RHBDF1: variants seen among roughly 807,000 people sequenced by gnomAD.
RHBDF1 encodes rhomboid 5 homolog 1, also known as inactive rhomboid protein 1.
Under a neutral mutation model 98.6 loss-of-function variants are expected in RHBDF1, and 80 were observed. That is an observed-to-expected ratio of 0.81 (90% CI 0.68 to 0.98). The LOEUF is 0.98. RHBDF1 is among the 50% of genes least tolerant of loss of function. The pLI, the probability that RHBDF1 is intolerant of heterozygous loss-of-function variation, is 0.00. For missense variants in RHBDF1, 1,116 were observed against 1,198.3 expected (o/e 0.93, Z 1.01); for synonymous variants, 512 against 486.8 (o/e 1.05, Z -0.68).
At position 61,192 on chromosome 16, in the gene RHBDF1, G is replaced by A. The variant is rs1293431704; in HGVS notation, c.1485C>T (p.Arg495=). 1 of 1,542,890 alleles carries A rather than the reference G, an allele frequency of 6.5e-7. No homozygotes were observed. The highest frequency in any genetic ancestry group is 1.2e-5 in the South Asian group (1 of 83,986). ...VHSFIRSARE[R]EKHSACCVRN... ...GCACGCAGCAGGCGGAGTGCTTCTC[G>A]CGCTCGCGCGCCGAGCGAATGAAGC... The change falls in exon 11 of 18, where the codon CGC becomes CGT. Residue 495 remains arginine (R), a synonymous_variant. Transcript: ENST00000262316.
At chr16:60,691 A>G (rs1897577650) in intron 11 of RHBDF1, 152 bp from the exon 12 acceptor site, 2 of 605,534 alleles carry the variant, frequency 3.3e-6, no homozygotes, top group Admixed American at 5.9e-5. Flanking sequence ...GTTGGAAAAG[A>G]CTCTTACAAG....
intron 1 of RHBDF1, 144 bp downstream of exon 1, chr16:72,369 C>T: frequency 3.8e-6 from 1 of 266,076 alleles, no homozygotes; most frequent in Non-Finnish European, 5.8e-6. Context: ...CGACCCCTCC[C>T]CGGCCCCGGC....
At position 58,529 on chromosome 16, in the gene RHBDF1, G is replaced by A; in HGVS notation, c.2379C>T (p.Gly793=). ...AGCGTTTCCGGTACAGGTCGAACTT[G>A]CCAAAGCTGATGTAGGGCAAGAAGG... ...SFAFLPYISF[G]KFDLYRKRCQ... The change falls in exon 18 of 18, where the codon GGC becomes GGT. Residue 793 remains glycine, a synonymous_variant. Coordinates refer to ENST00000262316, the MANE Select transcript of RHBDF1 (RefSeq NM_022450.5). The A allele has an allele frequency of 6.2e-7, 1 of 1,614,074 alleles. No homozygotes were observed. The highest frequency in any genetic ancestry group is 8.5e-7 in the Non-Finnish European group (1 of 1,180,036).
Position 64,924 on chromosome 16 carries a change from G to A in RHBDF1, c.92C>T (p.Thr31Met), listed in dbSNP as rs768349876. ...KLDIPSAVPL[T>M]AEEPSFLQPL... ...CTGCAGGAAGCTGGGCTCTTCTGCC[G>A]TCAGGGGCACCGCAGAGGGAATGTC... is the stretch of plus-strand genomic sequence containing the variant. Residue 31 changes from threonine to methionine, a missense_variant, in exon 2 of 18, where the codon ACG becomes ATG. Physicochemically the swap from Thr to Met is moderately conservative, Grantham distance 81. Transcript: ENST00000262316. 66 of 1,604,040 alleles carry A rather than the reference G, an allele frequency of 4.1e-5. No individual in the cohort carries two copies. The highest frequency in any genetic ancestry group is 3.3e-4 in the Middle Eastern group (2 of 6,048).
intron 13 of RHBDF1, 71 bp downstream of exon 13, chr16:60,145 G>C: frequency 6.2e-7 from 1 of 1,610,054 alleles, no homozygotes; most frequent in East Asian, 2.2e-5. Context: ...GGTATCACCA[G>C]TGGGTGGGGT....
chr16:69,190 T>G (rs889909941), intron 1 of RHBDF1, among the ~76,000 whole-genome samples: 1 of 152,130 alleles, frequency 6.6e-6, no homozygotes, highest in Non-Finnish European at 1.5e-5. Flanking sequence ...GGGAAGAGAC[T>G]AGAGAGAAGC....
At position 61,544 on chromosome 16, in the gene RHBDF1, G is replaced by T. The variant is rs778929345; in HGVS notation, c.1320+41C>A. ...GGGTCGGGAGGGGGTCCAGTGCCCG[G>T]ACTCCACTCGTCTGGGCCCAGGGAA... On this transcript the variant is annotated intron_variant, in intron 9 of 17. Coordinates refer to ENST00000262316, the MANE Select transcript of RHBDF1 (RefSeq NM_022450.5). 5 of 1,611,362 alleles carry T rather than the reference G, an allele frequency of 3.1e-6. No individual in the cohort carries two copies. In the African/African-American group the frequency reaches 5.3e-5, roughly 17 times the overall value.
Position 58,613 on chromosome 16 carries a change from C to T in RHBDF1, c.2295G>A (p.Pro765=), listed in dbSNP as rs768472626. 18 of 1,613,552 alleles carry T rather than the reference C, an allele frequency of 1.1e-5. No individual in the cohort carries two copies. Among genetic ancestry groups the T allele is most frequent in the South Asian group, 6.6e-5 (6 of 91,092 alleles). Residue 765 remains proline (P), a synonymous_variant, in exon 18 of 18, where the codon CCG becomes CCA. Transcript: ENST00000262316. ...VLFLFTFGLL[P]WIDNFAHISG... ...AGATGTGGGCAAAGTTGTCAATCCA[C>T]GGCAGCAGCCCAAAGGTGAAGAGGA...
rs1897711380 is a variant in RHBDF1, at chr16:63,186, G to T, written c.463-4C>A. 5 of 1,559,706 alleles carry T rather than the reference G, an allele frequency of 3.2e-6. No homozygotes were observed. Among genetic ancestry groups the T allele is most frequent in the East Asian group, 2.4e-5 (1 of 42,464 alleles). On this transcript the variant is annotated splice_region_variant and splice_polypyrimidine_tract_variant and intron_variant, in intron 4 of 17. Coordinates refer to ENST00000262316, the MANE Select transcript of RHBDF1 (RefSeq NM_022450.5). ...CACGGGCCAGGGGGTCTATGATCTGGAGGAGGGGAGGAGATGCTGGAGTCA... is the reference window on the plus strand; with the variant it reads ...CACGGGCCAGGGGGTCTATGATCTGTAGGAGGGGAGGAGATGCTGGAGTCA...
intron 14 of RHBDF1, 101 bp from the exon 15 acceptor site, chr16:59,595 C>T: frequency 3.4e-6 from 5 of 1,472,928 alleles, no homozygotes; most frequent in Non-Finnish European, 3.7e-6. Flanking sequence ...TTGTTGGCCC[C>T]AAGGAAGTCC....
At chr16:67,413 G>A (rs1476464481) in intron 1 of RHBDF1, among the ~76,000 whole-genome samples, 2 of 152,224 alleles carry the variant, frequency 1.3e-5, no homozygotes, top group East Asian at 1.9e-4. Context: ...CCTGTGCCCA[G>A]CAGCACTAGG....
upstream of RHBDF1, among the ~76,000 whole-genome samples, chr16:75,608 A>G (rs541273998): frequency 6.6e-6 from 1 of 152,266 alleles, no homozygotes; most frequent in Admixed American, 6.5e-5. Context: ...GGGTTTGGCA[A>G]GGGGTTCCCA....
upstream of RHBDF1, among the ~76,000 whole-genome samples, chr16:73,678 C>T (rs544541582): frequency 2.6e-5 from 4 of 152,260 alleles, no homozygotes; most frequent in Admixed American, 6.5e-5. Context: ...GGGATCCCTT[C>T]GTCCCATGGG....
At chr16:62,183 C>G in intron 7 of RHBDF1, 131 bp from the exon 8 acceptor site, 4 of 1,303,012 alleles carry the variant, frequency 3.1e-6, no homozygotes, top group Non-Finnish European at 4.1e-6. Flanking sequence ...TCTGCCTTCT[C>G]CTTGCCAGTA....
At chr16:76,266 C>G (rs1356374761), upstream of RHBDF1, 2 of 152,424 alleles carry the variant, frequency 1.3e-5, no homozygotes, top group African/African-American at 4.8e-5. Context: ...GCACCACTTT[C>G]TCTTGTCCTG....
Position 62,025 on chromosome 16 carries a change from C to A in RHBDF1, c.981G>T (p.Gln327His). The A allele has an allele frequency of 6.6e-7, 1 of 1,517,044 alleles. No individual in the cohort carries two copies. 94.0% of individuals were successfully genotyped at this position (1,517,044 alleles called of 1,614,324 possible). Residue 327 changes from glutamine to histidine, a missense_variant, in exon 8 of 18, where the codon CAG (glutamine) becomes CAT (histidine). Transcript: ENST00000262316. ...GCTGCGGGGCTGCGGCGCCCTCCTT[C>A]TGCTTCCGCCAGCCTCGCTCCAAGG... is the stretch of plus-strand genomic sequence containing the variant. ...MLPLERGWRKQKEGAAAPQPK... is the reference protein window; with the variant it reads ...MLPLERGWRKHKEGAAAPQPK...
At position 64,776 on chromosome 16, in the gene RHBDF1, G is replaced by T. The variant is rs1019221620; in HGVS notation, c.171C>A (p.Ala57=). The T allele has an allele frequency of 6.2e-6, 10 of 1,614,096 alleles. No homozygotes were observed. In the Admixed American group the frequency reaches 1.5e-4, roughly 24 times the overall value. ...GCTCATGGTGGGGTGAAGAGATGTG[G>T]GCTGTCTCGGCTGGCATACTCACAC... ...LRSVSMPAET[A]HISSPHHELR... is the part of the protein sequence containing the mutation. The change falls in exon 3 of 18, where the codon GCC becomes GCA. Residue 57 remains alanine, a synonymous_variant. Transcript: ENST00000262316.
intron 1 of RHBDF1, among the ~76,000 whole-genome samples, chr16:70,657 G>A (rs1462685427): frequency 6.6e-6 from 1 of 151,728 alleles, no homozygotes; most frequent in African/African-American, 2.4e-5. Flanking sequence ...TAAGGAAACT[G>A]AGGCTCAGAG....
intron 7 of RHBDF1, 46 bp downstream of exon 7, chr16:62,492 G>T (rs747259165): frequency 6.3e-7 from 1 of 1,598,784 alleles, no homozygotes; most frequent in South Asian, 1.1e-5. Context: ...TTCCTGACGG[G>T]CCCCGGGGTC....
Sources: allele counts gnomAD v4.1 joint callset (sites outside exome capture counted in the v4.1 genomes callset), GRCh38; gene constraint gnomAD v4.1.1; transcripts MANE v1.5; gene names NCBI Gene and HGNC (gene_info 2026-07-23, HGNC 2026-07-21).